The following KCNQ2 variants were observed in gnomAD, a reference collection of about 807,000 sequenced individuals.
KCNQ2 encodes the protein potassium voltage-gated channel subfamily KQT member 2.
A neutral mutation model predicts 84.8 loss-of-function variants in KCNQ2; 14 were observed. The ratio of observed to expected loss-of-function variants is 0.17; its 90% CI spans 0.11 to 0.26. The LOEUF is 0.26. Ranked by LOEUF, KCNQ2 falls within the 10% of genes least tolerant of loss-of-function variation. KCNQ2 has a pLI of 1.00. For missense variants in KCNQ2, 788 were observed against 1,254.0 expected (o/e 0.63, Z 5.61); for synonymous variants, 599 against 554.1 (o/e 1.08, Z -1.14).
rs183454455 is a variant in KCNQ2 at position 63,440,999 on chromosome 20, G to A, written c.817-1291C>T. ...TTTGTTTGTTTTGAGACAGAGTCTC[G>A]CTCTGTCCCCCAGGCTGGAGTGCAG... On this transcript the variant is annotated intron_variant, in intron 5 of 16. Transcript: ENST00000359125. Among the ~76,000 whole-genome samples the A allele has an allele frequency of 3.2e-3, 469 of 146,842 alleles. 6 individuals are homozygous for A. The highest frequency in any genetic ancestry group is 0.011 in the African/African-American group (443 of 39,382).
chr20:63,436,808 G>A (rs931314196), intron 7 of KCNQ2, among the ~76,000 whole-genome samples: 1 of 127,820 alleles, frequency 7.8e-6, no homozygotes, highest in East Asian at 2.3e-4. Context: ...ACGGAGTCTC[G>A]GGCTGTTTCC....
chr20:63,423,024 G>C (rs941768647), intron 11 of KCNQ2, among the ~76,000 whole-genome samples: 2 of 152,226 alleles, frequency 1.3e-5, no homozygotes, highest in South Asian at 4.1e-4. Flanking sequence ...CAGCAGGGGC[G>C]GGGGAGGCAG....
rs2082236203 is a variant in KCNQ2 at position 63,472,285 on chromosome 20, C to G, written c.179G>C (p.Gly60Ala). ...RGSILSKPRAGGAGAGKPPKR... is the reference protein window; with the variant it reads ...RGSILSKPRAAGAGAGKPPKR... ...GGGGGGCTTCCCGGCGCCCGCGCCG[C>G]CCGCGCGAGGTTTGCTGAGGATGCT... The change falls in exon 1 of 17, where the codon GGC becomes GCC. Residue 60 changes from glycine (G) to alanine (A), a missense_variant. Transcript: ENST00000359125. The G allele has an allele frequency of 6.5e-7, 1 of 1,538,036 alleles. No homozygotes were observed. The highest frequency in any genetic ancestry group is 8.8e-7 in the Non-Finnish European group (1 of 1,142,384).
intron 15 of KCNQ2, chr20:63,412,168 G>A (rs2080139536): frequency 5.2e-6 from 2 of 386,838 alleles, no homozygotes; most frequent in Non-Finnish European, 9.3e-6. Flanking sequence ...GGTGCCCGCA[G>A]CAGGAGCCGG....
At chr20:63,448,529 C>A (rs2081505632) in intron 1 of KCNQ2, 1 of 152,336 alleles carries the variant, frequency 6.6e-6, no homozygotes, top group Non-Finnish European at 1.5e-5. Flanking sequence ...TGGGGCCCTC[C>A]TGTGTCTCAA....
At chr20:63,437,963 C>T (rs2081054097) in intron 7 of KCNQ2, among the ~76,000 whole-genome samples, 1 of 152,194 alleles carries the variant, frequency 6.6e-6, no homozygotes, top group Admixed American at 6.5e-5. Context: ...ACGCACGCCA[C>T]CACGCCCAGC....
chr20:63,428,390 C>T lies in KCNQ2; in HGVS notation c.1194G>A (p.Lys398=), dbSNP rs763988707. Residue 398 remains lysine (K), a synonymous_variant, in exon 10 of 17, where the codon AAG becomes AAA. Transcript: ENST00000359125. ...LNQLELLRNL[K]SKSGLAFRKD... is the part of the protein sequence containing the mutation. ...ACCTGAAAGCGAGTCCAGATTTACT[C>T]TTGAGGTTCCTCAGCAGCTCCAGCT... 16 of 1,581,568 alleles carry T rather than the reference C, an allele frequency of 1.0e-5. No individual in the cohort carries two copies. The East Asian group carries it at 3.6e-4, about 36-fold the overall frequency.
chr20:63,458,819 C>G (rs2081873941), intron 1 of KCNQ2, among the ~76,000 whole-genome samples: 1 of 152,252 alleles, frequency 6.6e-6, no homozygotes, highest in Non-Finnish European at 1.5e-5. Flanking sequence ...GGCCCACACT[C>G]AGGCGTCACT....
Position 63,405,437 on chromosome 20 carries a change from C to T in KCNQ2, c.*1207G>A, listed in dbSNP as rs2079907611. ...ACCCGAGGCCCGAGACCCCAAGAGG[C>T]CCCGCTAAGGAATCGGTCAGTGGAG... is the stretch of plus-strand genomic sequence containing the variant. On this transcript the variant is annotated 3_prime_UTR_variant, in exon 17 of 17. Transcript: ENST00000359125. 1 of 152,402 alleles carries T rather than the reference C, an allele frequency of 6.6e-6. No individual in the cohort carries two copies. The highest frequency in any genetic ancestry group is 2.1e-4 in the South Asian group (1 of 4,834). The allele number at this position is 152,402 out of a possible 1,614,324, so 9.4% of individuals were successfully genotyped here. A position where few individuals can be genotyped will look rare whatever the true frequency, so the allele number is the denominator to read the frequency against.
At chr20:63,409,966 T>C (rs1256389740) in intron 15 of KCNQ2, 2 of 283,372 alleles carry the variant, frequency 7.1e-6, no homozygotes, top group Admixed American at 5.1e-5. Flanking sequence ...CCTACCTGCC[T>C]CTGATGGGAG....
chr20:63,413,203 A>G, intron 15 of KCNQ2: 2 of 548,614 alleles, frequency 3.6e-6, no homozygotes. Flanking sequence ...ACACATTTTC[A>G]GGGACCCACA....
intron 11 of KCNQ2, chr20:63,423,713 T>G (rs147599769): frequency 9.7e-4 from 165 of 170,090 alleles, no homozygotes; most frequent in African/African-American, 3.7e-3. Flanking sequence ...GGGGCCCTGG[T>G]CTGTGCCACA....
intron 1 of KCNQ2, chr20:63,471,901 G>A (rs957562575): frequency 5.3e-5 from 23 of 434,884 alleles, no homozygotes; most frequent in African/African-American, 4.2e-4. Flanking sequence ...TGAGGAGGGG[G>A]CTGGGGCGGC....
intron 15 of KCNQ2, among the ~76,000 whole-genome samples, chr20:63,409,013 C>T (rs767024809): frequency 6.6e-6 from 1 of 152,228 alleles, no homozygotes; most frequent in Non-Finnish European, 1.5e-5. Context: ...ACGTAATGTG[C>T]CACTGAAGCC....
chr20:63,418,346 C>T (rs539243265), intron 12 of KCNQ2, among the ~76,000 whole-genome samples: 99 of 152,354 alleles, frequency 6.5e-4, no homozygotes, highest in South Asian at 2.1e-4. Flanking sequence ...CATCCCCACC[C>T]GGCCTGCCAC....
At chr20:63,453,367 T>C (rs870239) in intron 1 of KCNQ2, among the ~76,000 whole-genome samples, 12,455 of 152,264 alleles carry the variant, frequency 0.082, 821 homozygotes, top group African/African-American at 0.16. Flanking sequence ...AGACAAACCA[T>C]ACGCAAGGGA....
At chr20:63,464,655 G>A (rs2082038137) in intron 1 of KCNQ2, among the ~76,000 whole-genome samples, 1 of 152,192 alleles carries the variant, frequency 6.6e-6, no homozygotes, top group Admixed American at 6.5e-5. Flanking sequence ...CTGGAACAGG[G>A]CCATGGCCCT....
At position 63,408,410 on chromosome 20, in the gene KCNQ2, C is replaced by G. The variant is rs1304172769; in HGVS notation, c.1887+3G>C. 1.2e-6 allele frequency: 2 copies of G among 1,607,852 alleles called. No individual in the cohort carries two copies. The highest frequency in any genetic ancestry group is 1.7e-6 in the Non-Finnish European group (2 of 1,179,252). On this transcript the variant is annotated splice_donor_region_variant and intron_variant, in intron 16 of 16. Transcript: ENST00000359125. The surrounding 1 kb of genome is among the most constrained non-coding windows in gnomAD (Gnocchi z 5.0). Reference sequence around the variant, plus strand: ...CGCACCCCTCCCGCCCAGCCTCTCGCACCTGCTTCTCCACCTTCCCGAGCC... The same window carrying G: ...CGCACCCCTCCCGCCCAGCCTCTCGGACCTGCTTCTCCACCTTCCCGAGCC...
At chr20:63,449,461 G>A (rs2081540277) in intron 1 of KCNQ2, 1 of 152,348 alleles carries the variant, frequency 6.6e-6, no homozygotes, top group South Asian at 2.1e-4. Context: ...GATCAAAAAG[G>A]AAAAAACAAG....
Sources: allele counts gnomAD v4.1 joint callset (sites outside exome capture counted in the v4.1 genomes callset), GRCh38; gene constraint gnomAD v4.1.1; non-coding constraint Gnocchi (gnomAD v3.1); transcripts MANE v1.5; gene names NCBI Gene and HGNC (gene_info 2026-07-23, HGNC 2026-07-21).